LEF1: variants seen among roughly 807,000 people sequenced by gnomAD.
The protein encoded by LEF1 is lymphoid enhancer binding factor 1.
Under a neutral mutation model 51.2 loss-of-function variants are expected in LEF1, and 14 were observed. The observed-to-expected ratio is 0.27, with a 90% CI of 0.18 to 0.43. LEF1 has a LOEUF of 0.43. LEF1 is among the 20% of genes least tolerant of loss of function. The pLI is 1.00. For synonymous variants in LEF1, 185 were observed against 183.2 expected, an observed-to-expected ratio of 1.01 and a Z score of -0.08; for missense variants, 386 against 512.0, an observed-to-expected ratio of 0.75 and a Z score of 2.37.
At chr4:108,107,187 G>A (rs1741221338) in intron 3 of LEF1, among the ~76,000 whole-genome samples, 1 of 152,052 alleles carries the variant, frequency 6.6e-6, no homozygotes, top group Non-Finnish European at 1.5e-5. Context: ...ATGGACCCAT[G>A]CCTCGGAAGA....
At chr4:108,125,286 C>T (rs1478542091) in intron 3 of LEF1, among the ~76,000 whole-genome samples, 3 of 152,170 alleles carry the variant, frequency 2.0e-5, no homozygotes, top group African/African-American at 7.2e-5. Flanking sequence ...GCCTCAGCAT[C>T]CTGAGTAGCT....
rs143644021 is a variant in LEF1 at position 108,151,885 on chromosome 4, G to A, written c.414+11683C>T. On this transcript the variant is annotated intron_variant, in intron 3 of 11. Coordinates refer to ENST00000265165, the MANE Select transcript of LEF1 (RefSeq NM_016269.5). ...ACGGATTGATACCTGGTGTTGTTGC[G>A]TTACATTCTTGAAGTTTTAAAATTT... Among the ~76,000 whole-genome samples the A allele has an allele frequency of 4.4e-3, 666 of 152,206 alleles. 3 individuals are homozygous for A. Among genetic ancestry groups the A allele is most frequent in the African/African-American group, 0.015 (625 of 41,506 alleles).
intron 3 of LEF1, among the ~76,000 whole-genome samples, chr4:108,149,868 T>C (rs1744259158): frequency 6.6e-6 from 1 of 151,924 alleles, no homozygotes; most frequent in South Asian, 2.1e-4. Flanking sequence ...GAAACCATTA[T>C]ATCAGAATGA....
intron 11 of LEF1, among the ~76,000 whole-genome samples, chr4:108,052,520 C>G (rs1008628391): frequency 3.3e-5 from 5 of 152,144 alleles, no homozygotes; most frequent in African/African-American, 1.2e-4. Flanking sequence ...TCCATTTTTA[C>G]ACCTTGGGAA....
intron 3 of LEF1, among the ~76,000 whole-genome samples, chr4:108,104,985 C>T (rs1223347206): frequency 4.6e-5 from 7 of 152,042 alleles, no homozygotes; most frequent in Admixed American, 6.6e-5. Flanking sequence ...GCATGTGACA[C>T]GGGAGCTGAA....
At chr4:108,131,600 T>C (rs1742902600) in intron 3 of LEF1, among the ~76,000 whole-genome samples, 2 of 152,112 alleles carry the variant, frequency 1.3e-5, no homozygotes, top group Non-Finnish European at 2.9e-5. Flanking sequence ...AAAACAAGGT[T>C]GCTGAATACC....
At chr4:108,136,897 G>C (rs1327493918) in intron 3 of LEF1, among the ~76,000 whole-genome samples, 1 of 151,984 alleles carries the variant, frequency 6.6e-6, no homozygotes, top group Non-Finnish European at 1.5e-5. Flanking sequence ...CTACCAATAA[G>C]GGCTCTAAGT....
At chr4:108,057,739 A>G (rs772049762) in intron 11 of LEF1, among the ~76,000 whole-genome samples, 7 of 152,204 alleles carry the variant, frequency 4.6e-5, no homozygotes, top group Non-Finnish European at 7.3e-5. Flanking sequence ...TAAAAAATGT[A>G]AATCCAAGCA....
At chr4:108,063,861 A>T (rs902363194) in intron 10 of LEF1, among the ~76,000 whole-genome samples, 198 bp from the exon 11 acceptor site, 26 of 152,244 alleles carry the variant, frequency 1.7e-4, no homozygotes, top group Admixed American at 2.0e-4. Context: ...GACCTCACTG[A>T]TGTCTTGAAT....
chr4:108,162,410 AATG>A (rs558338952), intron 3 of LEF1, among the ~76,000 whole-genome samples: 3 of 152,228 alleles, frequency 2.0e-5, no homozygotes, highest in South Asian at 2.1e-4. Flanking sequence ...GATTATGTGT[AATG>A]ATAACCACAA....
chr4:108,142,288 A>C (rs1743710012), intron 3 of LEF1, among the ~76,000 whole-genome samples: 1 of 152,200 alleles, frequency 6.6e-6, no homozygotes, highest in Non-Finnish European at 1.5e-5. Context: ...TTATTTGGGA[A>C]GTTGTAAATG....
At chr4:108,090,199 T>G (rs1739925338) in intron 3 of LEF1, among the ~76,000 whole-genome samples, 1 of 152,152 alleles carries the variant, frequency 6.6e-6, no homozygotes, top group Non-Finnish European at 1.5e-5. Context: ...AGGCTGGTTT[T>G]GAACTCCTGA....
Position 108,081,566 on chromosome 4 carries a change from C to T in LEF1, c.722+20G>A, listed in dbSNP as rs775146593. 6.2e-7 allele frequency: 1 copy of T among 1,605,178 alleles called. No homozygotes were observed. The highest frequency in any genetic ancestry group is 1.7e-5 in the Admixed American group (1 of 60,006). ...AAGAGCAACTTGTCCTCGAGCGCCC[C>T]AGTTTCCACCTCCACCTACCTGGAC... On this transcript the variant is annotated intron_variant, in intron 6 of 11. Coordinates refer to ENST00000265165, the MANE Select transcript of LEF1 (RefSeq NM_016269.5).
chr4:108,131,534 C>A (rs1742896748), intron 3 of LEF1, among the ~76,000 whole-genome samples: 1 of 152,094 alleles, frequency 6.6e-6, no homozygotes, highest in Admixed American at 6.5e-5. Context: ...TGGAAACACT[C>A]TAAACTCAAG....
intron 3 of LEF1, among the ~76,000 whole-genome samples, chr4:108,157,179 T>TATACACACACACACACAC (rs780217431): frequency 2.6e-5 from 3 of 116,738 alleles, no homozygotes; most frequent in South Asian, 6.8e-4. Context: ...TATATATATA[T>TATACACACACACACACAC]ACACACACAC....
In LEF1 at chr4:108,157,175, TATATACAC is replaced by T. The variant is rs1462718228; in HGVS notation, c.414+6385_414+6392del. Among the ~76,000 whole-genome samples the T allele has an allele frequency of 1.7e-4, 10 of 57,468 alleles. No individual in the cohort carries two copies. The Admixed American group carries it at 2.1e-3, about 12-fold the overall frequency. The allele number at this position is 57,468 out of a possible 152,430, so 37.7% of individuals were successfully genotyped here. ...CTCTCTCTCTCTCTCTCTCTATATA[TATATACAC>T]ACACACACACACACACACACACACA... On this transcript the variant is annotated intron_variant, in intron 3 of 11. Transcript: ENST00000265165.
chr4:108,051,528 G>C (rs1454042473), intron 11 of LEF1, among the ~76,000 whole-genome samples: 1 of 152,202 alleles, frequency 6.6e-6, no homozygotes. Context: ...GGCCAGGCCA[G>C]GCGAGCCCCG....
At chr4:108,079,690 C>A in intron 6 of LEF1, 76 bp from the exon 7 acceptor site, 1 of 1,460,414 alleles carries the variant, frequency 6.8e-7, no homozygotes, top group African/African-American at 1.4e-5. Context: ...TCAAAGCAAT[C>A]CACTAACTGC....
intron 3 of LEF1, among the ~76,000 whole-genome samples, chr4:108,099,452 A>G (rs1337815534): frequency 6.6e-6 from 1 of 150,656 alleles, no homozygotes; most frequent in African/African-American, 2.4e-5. Flanking sequence ...GTAATTTAAC[A>G]TTACATTTCA....
Sources: gnomAD v4.1 joint callset for allele counts (sites outside exome capture counted in the v4.1 genomes callset) on GRCh38, gnomAD v4.1.1 for gene constraint, MANE v1.5 for transcripts, NCBI Gene and HGNC (gene_info 2026-07-23, HGNC 2026-07-21) for gene names.